SPATA18: variants seen among roughly 807,000 people sequenced by gnomAD.
SPATA18 encodes spermatogenesis associated 18.
Under a neutral mutation model 68.1 loss-of-function variants are expected in SPATA18, and 54 were observed. The observed-to-expected ratio is 0.79, with a 90% CI of 0.64 to 0.99. The LOEUF (loss-of-function observed/expected upper bound fraction) is 0.99, where lower values mean the gene tolerates loss of function less well. Among genes scored for constraint, SPATA18 ranks in the 50% least tolerant of loss-of-function variants. The probability of loss-of-function intolerance (pLI) is 0.00; values close to 1 mark genes in which losing one functional copy is unlikely to be tolerated. For synonymous variants in SPATA18, 242 were observed against 244.8 expected, an observed-to-expected ratio of 0.99 and a Z score of 0.11; for missense variants, 724 against 681.1, an observed-to-expected ratio of 1.06 and a Z score of -0.70.
chr4:52,085,126 G>T, intron 11 of SPATA18, 127 bp downstream of exon 11: 2 of 635,730 alleles, frequency 3.1e-6, no homozygotes, highest in Non-Finnish European at 2.7e-6. Flanking sequence ...TTGCAATAAT[G>T]CTAGCTCCAA....
Position 52,096,168 on chromosome 4 carries a change from T to C in SPATA18, c.*1281T>C, listed in dbSNP as rs1455264569. 1 of 152,234 alleles carries C rather than the reference T, an allele frequency of 6.6e-6. No individual in the cohort carries two copies. Among genetic ancestry groups the C allele is most frequent in the African/African-American group, 2.4e-5 (1 of 41,468 alleles). 9.4% of individuals were successfully genotyped at this position (152,234 alleles called of 1,614,324 possible). A position where few individuals can be genotyped will look rare whatever the true frequency, so the allele number is the denominator to read the frequency against. On this transcript the variant is annotated 3_prime_UTR_variant, in exon 13 of 13. Transcript: ENST00000295213. ...TTCAGTGCCTGCCCCTTGAGTCTAA[T>C]GGTCACCACCTCATTCTGAAGTATG... is the stretch of plus-strand genomic sequence containing the variant.
intron 1 of SPATA18, 104 bp from the exon 2 acceptor site, chr4:52,060,315 T>C (rs1237315632): frequency 1.2e-6 from 1 of 826,804 alleles, no homozygotes; most frequent in African/African-American, 1.7e-5. Context: ...CACAAAAGCA[T>C]ACCAGAGCCA....
At position 52,060,510 on chromosome 4, in the gene SPATA18, C is replaced by G; in HGVS notation, c.179C>G (p.Ala60Gly). 2 of 1,613,904 alleles carry G rather than the reference C, an allele frequency of 1.2e-6. No homozygotes were observed. Among genetic ancestry groups the G allele is most frequent in the Non-Finnish European group, 1.7e-6 (2 of 1,179,860 alleles). The change falls in exon 2 of 13, where the codon GCA becomes GGA. Residue 60 changes from alanine (A) to glycine (G), a missense_variant. Coordinates refer to ENST00000295213, the MANE Select transcript of SPATA18 (RefSeq NM_145263.4). ...GGACAACTCTTTGGGATCCTCACAG[C>G]AGCAGCCCAAGAAGGTGAGAATGGC... is the stretch of plus-strand genomic sequence containing the variant. The part of the protein sequence containing the change: ...VQGQLFGILT[A>G]AAQEGGRNDG...
chr4:52,065,498 C>T (rs963627893), intron 4 of SPATA18, among the ~76,000 whole-genome samples: 20 of 152,160 alleles, frequency 1.3e-4, no homozygotes, highest in African/African-American at 3.6e-4. Flanking sequence ...CAGTTTCATC[C>T]TTCTACATGT....
Position 52,095,010 on chromosome 4 carries a change from A to G in SPATA18, c.*123A>G. 1 of 1,128,630 alleles carries G rather than the reference A, an allele frequency of 8.9e-7. No homozygotes were observed. The highest frequency in any genetic ancestry group is 1.5e-5 in the African/African-American group (1 of 65,424). The allele number at this position is 1,128,630 out of a possible 1,614,324, so 69.9% of individuals were successfully genotyped here. A position where few individuals can be genotyped will look rare whatever the true frequency, so the allele number is the denominator to read the frequency against. Reference sequence around the variant, plus strand: ...ATAATGTCAAAAGGCAATTCTGTGTATCACCCCACACAGAGAGTTAAATGT... The same window carrying G: ...ATAATGTCAAAAGGCAATTCTGTGTGTCACCCCACACAGAGAGTTAAATGT... On this transcript the variant is annotated 3_prime_UTR_variant, in exon 13 of 13. Coordinates refer to ENST00000295213, the MANE Select transcript of SPATA18 (RefSeq NM_145263.4).
chr4:52,051,816 G>A, intron 1 of SPATA18, 25 bp downstream of exon 1: 1 of 1,600,298 alleles, frequency 6.2e-7, no homozygotes, highest in Non-Finnish European at 8.5e-7. Flanking sequence ...AAAACCCCCG[G>A]GGTTCGCCCT....
Position 52,077,029 on chromosome 4 carries a change from A to T in SPATA18, c.1009A>T (p.Ile337Phe). ...KAETVQRIIYIATVEAFHVAK... is the reference protein window; with the variant it reads ...KAETVQRIIYFATVEAFHVAK... ...TGAGACCGTTCAGCGGATCATCTAC[A>T]TCGCCACAGTGGTATGTGACGCCTG... is the stretch of plus-strand genomic sequence containing the variant. Residue 337 changes from isoleucine (I) to phenylalanine (F), a missense_variant, in exon 7 of 13, where the codon ATC becomes TTC. By Grantham distance (21) the Ile-to-Phe change is conservative (BLOSUM62 0). Coordinates refer to ENST00000295213, the MANE Select transcript of SPATA18 (RefSeq NM_145263.4). 1 of 1,604,566 alleles carries T rather than the reference A, an allele frequency of 6.2e-7. No homozygotes were observed. The highest frequency in any genetic ancestry group is 8.5e-7 in the Non-Finnish European group (1 of 1,175,278).
At chr4:52,064,838 G>A (rs1156575434) in intron 4 of SPATA18, among the ~76,000 whole-genome samples, 1 of 152,092 alleles carries the variant, frequency 6.6e-6, no homozygotes, top group Non-Finnish European at 1.5e-5. Context: ...TTTTAGTTAA[G>A]GAATCTCCAC....
At chr4:52,083,173 T>C in intron 10 of SPATA18, 1 of 985,380 alleles carries the variant, frequency 1.0e-6, no homozygotes, top group Non-Finnish European at 1.2e-6. Flanking sequence ...ATGGAACTGG[T>C]AGTGCTTGGA....
intron 11 of SPATA18, among the ~76,000 whole-genome samples, chr4:52,089,572 T>C (rs2109531914): frequency 6.6e-6 from 1 of 152,358 alleles, no homozygotes; most frequent in South Asian, 2.1e-4. Context: ...GGTTGTTCAG[T>C]TTCTATGTAT....
chr4:52,068,164 C>G (rs1376413242), intron 4 of SPATA18, among the ~76,000 whole-genome samples: 1 of 152,114 alleles, frequency 6.6e-6, no homozygotes, highest in African/African-American at 2.4e-5. Context: ...AGTTCATTTT[C>G]TCTTGATAAA....
chr4:52,083,344 C>G lies in SPATA18; in HGVS notation c.1479+834C>G. 6 of 985,380 alleles carry G rather than the reference C, an allele frequency of 6.1e-6. No individual in the cohort carries two copies. The South Asian group carries it at 2.8e-4, about 46-fold the overall frequency. 61.0% of individuals were successfully genotyped at this position (985,380 alleles called of 1,614,324 possible). On this transcript the variant is annotated intron_variant, in intron 10 of 12. Coordinates refer to ENST00000295213, the MANE Select transcript of SPATA18 (RefSeq NM_145263.4). ...GAAGTGTTTTATGGCAGCTTTCACA[C>G]ATACAGTGGAGAAGGGGAATATTTT...
intron 4 of SPATA18, among the ~76,000 whole-genome samples, chr4:52,064,183 C>CTA (rs71193057): frequency 0.019 from 2,705 of 145,600 alleles, 49 homozygotes; most frequent in East Asian, 0.07. Flanking sequence ...CCTTCTCTTT[C>CTA]TATATATATA....
At chr4:52,082,257 A>G in intron 9 of SPATA18, 130 bp from the exon 10 acceptor site, 1 of 855,534 alleles carries the variant, frequency 1.2e-6, no homozygotes, top group South Asian at 1.7e-5. Flanking sequence ...AGATTCTTAA[A>G]TAACAGAATT....
chr4:52,072,212 A>T (rs1739922274), intron 6 of SPATA18, 56 bp downstream of exon 6: 4 of 1,583,742 alleles, frequency 2.5e-6, no homozygotes, highest in Admixed American at 3.7e-5. Context: ...GAGTTAAGGG[A>T]TCGGGGAGGA....
intron 6 of SPATA18, among the ~76,000 whole-genome samples, chr4:52,074,761 A>G (rs1023036822): frequency 6.6e-6 from 1 of 152,196 alleles, no homozygotes; most frequent in Non-Finnish European, 1.5e-5. Flanking sequence ...AGAAGTTCCA[A>G]TGATATTATA....
intron 11 of SPATA18, among the ~76,000 whole-genome samples, chr4:52,085,645 T>C (rs986854623): frequency 8.5e-5 from 13 of 152,182 alleles, no homozygotes; most frequent in Admixed American, 7.9e-4. Flanking sequence ...GGAGGATTGC[T>C]TGAGCCCAGG....
chr4:52,065,928 A>G (rs116449066), intron 4 of SPATA18, among the ~76,000 whole-genome samples: 5 of 152,054 alleles, frequency 3.3e-5, no homozygotes, highest in Admixed American at 2.6e-4. Context: ...CCTATATCCA[A>G]TCTATCAGAA....
chr4:52,069,491 G>A (rs945330946), intron 4 of SPATA18, among the ~76,000 whole-genome samples: 7 of 152,286 alleles, frequency 4.6e-5, no homozygotes, highest in Middle Eastern at 3.4e-3. Flanking sequence ...GGGCTTTGAT[G>A]TAATTAGAGC....
Sources: allele counts gnomAD v4.1 joint callset (sites outside exome capture counted in the v4.1 genomes callset), GRCh38; gene constraint gnomAD v4.1.1; transcripts MANE v1.5; gene names NCBI Gene and HGNC (gene_info 2026-07-23, HGNC 2026-07-21).